Variants in DTD2 observed in about 807,000 individuals in gnomAD.
DTD2 encodes the protein D-tyrosyl-tRNA deacylase 2 (putative).
A neutral mutation model predicts 15.5 loss-of-function variants in DTD2; 12 were observed. The observed-to-expected ratio is 0.77, with a 90% CI of 0.50 to 1.25. The LOEUF (loss-of-function observed/expected upper bound fraction) is 1.25, where lower values mean the gene tolerates loss of function less well. Ranked by LOEUF, DTD2 falls within the 50% of genes most tolerant of loss-of-function variation. DTD2 has a pLI of 0.00. For synonymous variants in DTD2, 59 were observed against 77.3 expected (o/e 0.76, Z 1.24); for missense variants, 170 against 201.1 (o/e 0.85, Z 0.93).
In DTD2 at chr14:31,457,489, G is replaced by A; in HGVS notation, c.-96C>T. 1.1e-6 allele frequency: 1 copy of A among 946,720 alleles called. No individual in the cohort carries two copies. The highest frequency in any genetic ancestry group is 1.5e-6 in the Non-Finnish European group (1 of 665,088). The allele number at this position is 946,720 out of a possible 1,614,324, so 58.6% of individuals were successfully genotyped here. ...CGGGGCAGACGAGGCGGGGCACGAC[G>A]AAGGGCCTGCGCCGATTGCCCAGTG... is the stretch of plus-strand genomic sequence containing the variant. On this transcript the variant is annotated 5_prime_UTR_variant, in exon 1 of 3. Coordinates refer to ENST00000310850, the MANE Select transcript of DTD2 (RefSeq NM_080664.3).
At chr14:31,455,772 G>A (rs1285547486) in intron 1 of DTD2, among the ~76,000 whole-genome samples, 1 of 151,286 alleles carries the variant, frequency 6.6e-6, no homozygotes, top group Non-Finnish European at 1.5e-5. Flanking sequence ...AGTAGAGACG[G>A]GATTTCAACA....
chr14:31,453,632 C>G (rs1015199493), intron 1 of DTD2, among the ~76,000 whole-genome samples: 4 of 152,174 alleles, frequency 2.6e-5, no homozygotes, highest in African/African-American at 4.8e-5. Context: ...GATCAACCAG[C>G]CTTTTCTCAA....
At chr14:31,455,424 G>A (rs1194948918) in intron 1 of DTD2, among the ~76,000 whole-genome samples, 1 of 151,014 alleles carries the variant, frequency 6.6e-6, no homozygotes, top group Non-Finnish European at 1.5e-5. Flanking sequence ...GGTGGTGGGC[G>A]CCTGTGGTCC....
chr14:31,448,103 C>A lies in DTD2; in HGVS notation c.*26G>T, dbSNP rs761102912. On this transcript the variant is annotated 3_prime_UTR_variant, in exon 3 of 3. Coordinates refer to ENST00000310850, the MANE Select transcript of DTD2 (RefSeq NM_080664.3). ...CTTTAGATCATTTCATACCAGAAAA[C>A]AGCTATAGAAACTAGTTTTTCATTT... The A allele has an allele frequency of 6.5e-7, 1 of 1,539,360 alleles. No individual in the cohort carries two copies. Among genetic ancestry groups the A allele is most frequent in the Admixed American group, 1.9e-5 (1 of 51,928 alleles).
In DTD2 at chr14:31,448,464, G is replaced by A. The variant is rs1164396305; in HGVS notation, c.182-10C>T. 1.9e-6 allele frequency: 3 copies of A among 1,570,850 alleles called. No individual in the cohort carries two copies. Among genetic ancestry groups the A allele is most frequent in the Non-Finnish European group, 2.6e-6 (3 of 1,158,444 alleles). On this transcript the variant is annotated splice_polypyrimidine_tract_variant and intron_variant, in intron 2 of 2. Coordinates refer to ENST00000310850, the MANE Select transcript of DTD2 (RefSeq NM_080664.3). ...TTTAACAGTGTATTAACTGGGTGAG[G>A]AAGAAAGGCAAAACATTTTAAAGTG...
chr14:31,450,450 A>G (rs1035509393), intron 2 of DTD2, among the ~76,000 whole-genome samples: 2 of 152,202 alleles, frequency 1.3e-5, no homozygotes, highest in African/African-American at 4.8e-5. Flanking sequence ...GATTCTACAC[A>G]TCTCTATGTT....
chr14:31,454,499 AC>A (rs1407491858), intron 1 of DTD2, among the ~76,000 whole-genome samples: 1 of 152,232 alleles, frequency 6.6e-6, no homozygotes, highest in Non-Finnish European at 1.5e-5. Context: ...TCCAATGCAT[AC>A]CCACGAGAAG....
intron 2 of DTD2, among the ~76,000 whole-genome samples, chr14:31,450,690 T>C (rs1241153169): frequency 5.3e-5 from 8 of 152,186 alleles, no homozygotes; most frequent in Admixed American, 3.9e-4. Context: ...ATATGATTCT[T>C]AGAGTCATAT....
At position 31,453,193 on chromosome 14, in the gene DTD2, C is replaced by T. The variant is rs191538085; in HGVS notation, c.181+82G>A. Reference sequence around the variant, plus strand: ...GGTTCAAGTAATCCACTTGCCTTGGCCTCCCAACGTGTTGGGATTACAGGT... The same window carrying T: ...GGTTCAAGTAATCCACTTGCCTTGGTCTCCCAACGTGTTGGGATTACAGGT... On this transcript the variant is annotated intron_variant, in intron 2 of 2. Transcript: ENST00000310850. The T allele has an allele frequency of 1.9e-5, 25 of 1,332,784 alleles. No homozygotes were observed. The Admixed American group carries it at 4.1e-4, about 22-fold the overall frequency. The allele number at this position is 1,332,784 out of a possible 1,614,324, so 82.6% of individuals were successfully genotyped here.
chr14:31,451,036 A>G (rs2032026036), intron 2 of DTD2, among the ~76,000 whole-genome samples: 1 of 152,192 alleles, frequency 6.6e-6, no homozygotes, highest in Non-Finnish European at 1.5e-5. Flanking sequence ...ACCAAAAAAG[A>G]TTTAATCCAA....
intron 2 of DTD2, among the ~76,000 whole-genome samples, chr14:31,451,146 TC>T (rs1192248692): frequency 1.1e-3 from 155 of 143,760 alleles, no homozygotes; most frequent in Middle Eastern, 7.0e-3. Flanking sequence ...TACATTATGT[TC>T]TTTTTTTTTT....
chr14:31,457,199 A>T (rs923979691), intron 1 of DTD2, 84 bp downstream of exon 1: 1 of 1,276,956 alleles, frequency 7.8e-7, no homozygotes, highest in Non-Finnish European at 1.1e-6. Context: ...AGAGGGAGAC[A>T]CAGAGCGGAC....
At chr14:31,454,100 G>T (rs2032070195) in intron 1 of DTD2, among the ~76,000 whole-genome samples, 1 of 152,044 alleles carries the variant, frequency 6.6e-6, no homozygotes, top group Non-Finnish European at 1.5e-5. Flanking sequence ...AGATTTTTTT[G>T]ATTCTGTAAA....
intron 2 of DTD2, chr14:31,452,569 A>G (rs1333081394): frequency 6.6e-6 from 1 of 152,220 alleles, no homozygotes; most frequent in Non-Finnish European, 1.5e-5. Context: ...ATTTAACAGC[A>G]CAATTTAACA....
intron 1 of DTD2, among the ~76,000 whole-genome samples, chr14:31,456,135 G>A (rs1025535916): frequency 1.7e-4 from 26 of 152,146 alleles, no homozygotes; most frequent in Admixed American, 9.2e-4. Flanking sequence ...GCTCAGGCTT[G>A]TAATCCCAGC....
At chr14:31,456,311 G>A (rs1254186142) in intron 1 of DTD2, among the ~76,000 whole-genome samples, 2 of 152,078 alleles carry the variant, frequency 1.3e-5, no homozygotes, top group Admixed American at 6.5e-5. Flanking sequence ...GCTTGAACCC[G>A]GGAGGCGGAG....
chr14:31,447,819 C>CAAA lies in DTD2; in HGVS notation c.*307_*309dup. The CAAA allele has an allele frequency of 1.1e-5, 2 of 188,660 alleles. No individual in the cohort carries two copies. Among genetic ancestry groups the CAAA allele is most frequent in the Admixed American group, 6.3e-5 (1 of 15,900 alleles). The allele number at this position is 188,660 out of a possible 1,614,324, so 11.7% of individuals were successfully genotyped here. ...CTGGCGACAGAGCAAGACTCCATCT[C>CAAA]AAAAAAAAAACAAAAACAAAAAAAC... is the stretch of plus-strand genomic sequence containing the variant. On this transcript the variant is annotated 3_prime_UTR_variant, in exon 3 of 3. Coordinates refer to ENST00000310850, the MANE Select transcript of DTD2 (RefSeq NM_080664.3).
chr14:31,455,468 G>A (rs1421240043), intron 1 of DTD2, among the ~76,000 whole-genome samples: 3 of 144,278 alleles, frequency 2.1e-5, no homozygotes, highest in Non-Finnish European at 3.0e-5. Context: ...GGAGAATGGC[G>A]TGAACCCGGG....
chr14:31,451,100 G>C (rs2032026521), intron 2 of DTD2, among the ~76,000 whole-genome samples: 1 of 151,454 alleles, frequency 6.6e-6, no homozygotes, highest in African/African-American at 2.4e-5. Flanking sequence ...CCAGCATTAG[G>C]ATCTGACAAT....
Sources: gnomAD v4.1 joint callset for allele counts (sites outside exome capture counted in the v4.1 genomes callset) on GRCh38, gnomAD v4.1.1 for gene constraint, MANE v1.5 for transcripts, NCBI Gene and HGNC (gene_info 2026-07-23, HGNC 2026-07-21) for gene names.